SOX5: variants seen among roughly 807,000 people sequenced by gnomAD.
SOX5 encodes the protein SRY-box transcription factor 5.
Under a neutral mutation model 92.0 loss-of-function variants are expected in SOX5, and 9 were observed. The ratio of observed to expected loss-of-function variants is 0.10; its 90% CI spans 0.06 to 0.17. The LOEUF (loss-of-function observed/expected upper bound fraction) is 0.17, where lower values mean the gene tolerates loss of function less well. Ranked by LOEUF, SOX5 falls within the 10% of genes least tolerant of loss-of-function variation. The pLI, the probability that SOX5 is intolerant of heterozygous loss-of-function variation, is 1.00. For synonymous variants in SOX5, 344 were observed against 336.3 expected (o/e 1.02, Z -0.25); for missense variants, 642 against 944.5 (o/e 0.68, Z 4.20).
chr12:23,954,416 C>CA (rs1418670849), upstream of SOX5, among the ~76,000 whole-genome samples: 2 of 148,786 alleles, frequency 1.3e-5, no homozygotes, highest in Non-Finnish European at 3.0e-5. Flanking sequence ...TACTTTGTCA[C>CA]AAAAAATTAA....
At chr12:24,453,722 A>G (rs1352036203) in intron 1 of SOX5, among the ~76,000 whole-genome samples, 1 of 152,234 alleles carries the variant, frequency 6.6e-6, no homozygotes, top group African/African-American at 2.4e-5. Flanking sequence ...AATTTCTGGT[A>G]AATGGATATG....
chr12:24,072,740 T>C (rs1388525085), intron 4 of SOX5, among the ~76,000 whole-genome samples: 1 of 152,190 alleles, frequency 6.6e-6, no homozygotes, highest in Non-Finnish European at 1.5e-5. Context: ...ATTAAAACAT[T>C]AATAAAGTGT....
chr12:24,201,038 A>G (rs992786215), intron 4 of SOX5, among the ~76,000 whole-genome samples: 1 of 152,118 alleles, frequency 6.6e-6, no homozygotes, highest in South Asian at 2.1e-4. Flanking sequence ...CTATACACCC[A>G]ACAATTCATA....
chr12:24,095,443 A>ATTTG (rs1276696010), intron 4 of SOX5, among the ~76,000 whole-genome samples: 3 of 149,552 alleles, frequency 2.0e-5, no homozygotes, highest in Non-Finnish European at 3.0e-5. Flanking sequence ...TTATTTATTT[A>ATTTG]TTTATTTATT....
intron 4 of SOX5, among the ~76,000 whole-genome samples, chr12:24,056,729 A>G (rs1958144620): frequency 6.6e-6 from 1 of 151,720 alleles, no homozygotes; most frequent in African/African-American, 2.4e-5. Context: ...TAATCCCAGC[A>G]CTTTGGGAGG....
intron 3 of SOX5, among the ~76,000 whole-genome samples, chr12:23,770,254 T>C (rs1005994950): frequency 6.6e-6 from 1 of 151,934 alleles, no homozygotes; most frequent in African/African-American, 2.4e-5. Flanking sequence ...TAATGATGTA[T>C]AGTCAAAGAT....
At chr12:23,699,760 G>C (rs980050828) in intron 6 of SOX5, among the ~76,000 whole-genome samples, 1 of 152,238 alleles carries the variant, frequency 6.6e-6, no homozygotes, top group South Asian at 2.1e-4. Context: ...CTTTCAGAGA[G>C]GGTTGGTTTG....
At chr12:24,211,794 A>G (rs1958645810) in intron 4 of SOX5, among the ~76,000 whole-genome samples, 1 of 152,226 alleles carries the variant, frequency 6.6e-6, no homozygotes, top group South Asian at 2.1e-4. Context: ...TTTCTGTCTC[A>G]TAAGACTACA....
At chr12:24,198,933 C>T (rs909212863) in intron 4 of SOX5, among the ~76,000 whole-genome samples, 2 of 152,184 alleles carry the variant, frequency 1.3e-5, no homozygotes, top group South Asian at 2.1e-4. Flanking sequence ...CCCCGTGTGG[C>T]GCTCCAGTGA....
chr12:23,554,262 A>G (rs1278887030), intron 11 of SOX5, among the ~76,000 whole-genome samples: 1 of 152,100 alleles, frequency 6.6e-6, no homozygotes, highest in Non-Finnish European at 1.5e-5. Flanking sequence ...GAAGACAGGA[A>G]GAACGAAGGA....
chr12:23,991,028 T>C (rs188298498), intron 4 of SOX5, among the ~76,000 whole-genome samples: 1 of 148,126 alleles, frequency 6.8e-6, no homozygotes, highest in African/African-American at 2.5e-5. Flanking sequence ...AGAGGCCAAA[T>C]GAGCTTCGTA....
intron 1 of SOX5, among the ~76,000 whole-genome samples, chr12:24,498,067 G>T (rs536960027): frequency 6.6e-6 from 1 of 152,288 alleles, no homozygotes; most frequent in Admixed American, 6.5e-5. Flanking sequence ...TGCAGCAGGA[G>T]GAGGGAGAGC....
At chr12:23,835,240 T>A (rs1486730432) in intron 3 of SOX5, among the ~76,000 whole-genome samples, 1 of 151,826 alleles carries the variant, frequency 6.6e-6, no homozygotes, top group Non-Finnish European at 1.5e-5. Flanking sequence ...GTAACACTAT[T>A]TCTAAAATAT....
At chr12:23,889,577 C>G (rs2097107023) in intron 2 of SOX5, among the ~76,000 whole-genome samples, 1 of 152,060 alleles carries the variant, frequency 6.6e-6, no homozygotes. Flanking sequence ...AAGTAAAAGC[C>G]TCTCTATCAT....
intron 1 of SOX5, among the ~76,000 whole-genome samples, chr12:24,495,824 G>T (rs757037663): frequency 2.0e-5 from 3 of 152,146 alleles, no homozygotes; most frequent in African/African-American, 4.8e-5. Context: ...GGTGTGGTAC[G>T]CAAGGAATGC....
At chr12:23,936,768 T>C (rs1173204003) in intron 1 of SOX5, among the ~76,000 whole-genome samples, 1 of 151,122 alleles carries the variant, frequency 6.6e-6, no homozygotes, top group East Asian at 1.9e-4. Context: ...AATGTTAATA[T>C]AGATTTTATT....
intron 2 of SOX5, among the ~76,000 whole-genome samples, chr12:24,342,764 C>A (rs1380591041): frequency 6.6e-6 from 1 of 152,184 alleles, no homozygotes; most frequent in Non-Finnish European, 1.5e-5. Flanking sequence ...CCAGAGTGAT[C>A]TATCAAGTGG....
At chr12:24,235,192 C>G (rs370957932) in intron 3 of SOX5, among the ~76,000 whole-genome samples, 2 of 152,178 alleles carry the variant, frequency 1.3e-5, no homozygotes, top group East Asian at 3.8e-4. Flanking sequence ...TTGTTTCAAG[C>G]TTCAGGCATT....
chr12:23,634,393 G>T (rs1295519295), intron 8 of SOX5, among the ~76,000 whole-genome samples: 5 of 152,144 alleles, frequency 3.3e-5, no homozygotes, highest in Admixed American at 1.3e-4. Flanking sequence ...TTTTAAGTAG[G>T]TTGGTTAAGG....
Sources: gnomAD v4.1 joint callset for allele counts (sites outside exome capture counted in the v4.1 genomes callset) on GRCh38, gnomAD v4.1.1 for gene constraint, MANE v1.5 for transcripts, NCBI Gene and HGNC (gene_info 2026-07-23, HGNC 2026-07-21) for gene names.